Variants in ASIC2 observed in about 807,000 individuals in gnomAD.
ASIC2 encodes acid-sensing ion channel 2.
In ASIC2, 25 loss-of-function variants were observed where a neutral mutation model predicts 57.3. That is an observed-to-expected ratio of 0.44 (90% CI 0.32 to 0.61). The LOEUF (loss-of-function observed/expected upper bound fraction) is 0.61. Among genes scored for constraint, ASIC2 ranks in the 20% least tolerant of loss-of-function variants. The probability of loss-of-function intolerance (pLI) is 0.06; values close to 1 mark genes in which losing one functional copy is unlikely to be tolerated. For synonymous variants in ASIC2, 319 were observed against 307.5 expected, an observed-to-expected ratio of 1.04 and a Z score of -0.39; for missense variants, 641 against 738.1, an observed-to-expected ratio of 0.87 and a Z score of 1.52.
intron 1 of ASIC2, among the ~76,000 whole-genome samples, chr17:33,416,688 A>G (rs1299015385): frequency 1.3e-5 from 2 of 152,232 alleles, no homozygotes; most frequent in Non-Finnish European, 1.5e-5. Context: ...TCATCTGCAC[A>G]TGCTGAGTTT....
chr17:33,526,045 C>G (rs1167612597), intron 1 of ASIC2, among the ~76,000 whole-genome samples: 9 of 152,156 alleles, frequency 5.9e-5, no homozygotes, highest in Non-Finnish European at 1.3e-4. Flanking sequence ...CGAGCCTTCA[C>G]CTAGAATAAT....
chr17:33,988,331 A>G (rs1905893586), intron 1 of ASIC2, among the ~76,000 whole-genome samples: 1 of 152,136 alleles, frequency 6.6e-6, no homozygotes, highest in Admixed American at 6.5e-5. Flanking sequence ...AGTCTTTCCC[A>G]TGCTGTTCTC....
At chr17:33,342,332 G>T (rs1009595190) in intron 1 of ASIC2, among the ~76,000 whole-genome samples, 1 of 148,514 alleles carries the variant, frequency 6.7e-6, no homozygotes, top group African/African-American at 2.5e-5. Flanking sequence ...ACATGTGTGT[G>T]TGTACGTGTG....
chr17:33,328,234 T>G (rs1907157220), intron 1 of ASIC2, among the ~76,000 whole-genome samples: 1 of 152,158 alleles, frequency 6.6e-6, no homozygotes, highest in Admixed American at 6.5e-5. Context: ...ATCCATCGTG[T>G]TACAAAAAGC....
At chr17:33,507,077 C>G (rs1346379488) in intron 1 of ASIC2, among the ~76,000 whole-genome samples, 4 of 152,198 alleles carry the variant, frequency 2.6e-5, no homozygotes, top group African/African-American at 4.8e-5. Context: ...GGACAAGCTG[C>G]TCGGCACATC....
chr17:33,645,138 C>G, intron 1 of ASIC2, among the ~76,000 whole-genome samples: 1 of 152,154 alleles, frequency 6.6e-6, no homozygotes, highest in East Asian at 1.9e-4. Flanking sequence ...TCCCATTTGA[C>G]AGAGGAGGAC....
chr17:33,021,085 ATTAT>A, intron 7 of ASIC2, 130 bp downstream of exon 7: 1 of 629,688 alleles, frequency 1.6e-6, no homozygotes. Flanking sequence ...ACAGGGAGTA[ATTAT>A]TAGTAAATCA....
At chr17:33,108,853 T>C (rs1298863561) in intron 2 of ASIC2, among the ~76,000 whole-genome samples, 7 of 152,042 alleles carry the variant, frequency 4.6e-5, no homozygotes, top group Non-Finnish European at 1.0e-4. Flanking sequence ...GGTGAGGGGA[T>C]TGCCAGGAAT....
intron 1 of ASIC2, among the ~76,000 whole-genome samples, chr17:34,135,496 C>A (rs192236134): frequency 1.4e-4 from 21 of 152,300 alleles, no homozygotes; most frequent in Non-Finnish European, 2.6e-4. Context: ...CTTTTAAAGT[C>A]CTGATGCCTG....
At chr17:33,902,800 G>C (rs1246782478) in intron 1 of ASIC2, among the ~76,000 whole-genome samples, 1 of 152,218 alleles carries the variant, frequency 6.6e-6, no homozygotes, top group Non-Finnish European at 1.5e-5. Context: ...TCTTCAAGAA[G>C]AGTAAGATTA....
intron 1 of ASIC2, among the ~76,000 whole-genome samples, chr17:33,338,698 G>C (rs1341353373): frequency 1.3e-5 from 2 of 152,178 alleles, no homozygotes; most frequent in Non-Finnish European, 2.9e-5. Context: ...AAGGGTTACA[G>C]TACACAAAAT....
chr17:33,303,834 G>A (rs1906061671), intron 1 of ASIC2, among the ~76,000 whole-genome samples: 1 of 152,080 alleles, frequency 6.6e-6, no homozygotes, highest in Non-Finnish European at 1.5e-5. Context: ...AGCAGCCTAT[G>A]GCACTAAGAC....
chr17:33,198,919 C>A (rs1426158694), intron 1 of ASIC2, among the ~76,000 whole-genome samples: 1 of 152,182 alleles, frequency 6.6e-6, no homozygotes, highest in South Asian at 2.1e-4. Flanking sequence ...GGAGACCTGG[C>A]TCATGATAAC....
chr17:33,837,116 C>T (rs183280493), intron 1 of ASIC2, among the ~76,000 whole-genome samples: 2 of 152,244 alleles, frequency 1.3e-5, no homozygotes, highest in African/African-American at 4.8e-5. Flanking sequence ...ATTTTCTGGG[C>T]TTCCTGAACT....
intron 1 of ASIC2, among the ~76,000 whole-genome samples, chr17:33,431,378 G>A (rs1305758124): frequency 6.6e-6 from 1 of 152,080 alleles, no homozygotes; most frequent in Non-Finnish European, 1.5e-5. Flanking sequence ...AGGTCGAGGC[G>A]GGCAGATCAC....
At chr17:33,709,070 T>A (rs1908947467) in intron 1 of ASIC2, among the ~76,000 whole-genome samples, 1 of 152,186 alleles carries the variant, frequency 6.6e-6, no homozygotes, top group Admixed American at 6.5e-5. Flanking sequence ...AACAACACAT[T>A]CAATACTCTG....
chr17:34,053,226 T>C (rs1908635406), intron 1 of ASIC2, among the ~76,000 whole-genome samples: 1 of 152,176 alleles, frequency 6.6e-6, no homozygotes, highest in African/African-American at 2.4e-5. Context: ...GGCGGCTCCA[T>C]TGTTATTATG....
chr17:33,543,296 C>CAAAACAAAAG, intron 1 of ASIC2, among the ~76,000 whole-genome samples: 1 of 121,176 alleles, frequency 8.3e-6, no homozygotes, highest in Middle Eastern at 4.0e-3. Flanking sequence ...TAAAACAAAA[C>CAAAACAAAAG]AAAAACAAAA....
At chr17:33,954,529 CA>C in intron 1 of ASIC2, among the ~76,000 whole-genome samples, 1 of 152,326 alleles carries the variant, frequency 6.6e-6, no homozygotes. Context: ...TAAAGCAAAA[CA>C]TCATTAAGAT....
Sources: gnomAD v4.1 joint callset for allele counts (sites outside exome capture counted in the v4.1 genomes callset) on GRCh38, gnomAD v4.1.1 for gene constraint, MANE v1.5 for transcripts, NCBI Gene and HGNC (gene_info 2026-07-23, HGNC 2026-07-21) for gene names.